The following BLNK variants were observed in gnomAD, a reference collection of about 807,000 sequenced individuals.
The protein encoded by BLNK is B-cell linker protein.
Under a neutral mutation model 73.5 loss-of-function variants are expected in BLNK, and 29 were observed. The observed-to-expected ratio is 0.39, with a 90% CI of 0.29 to 0.54. BLNK has a LOEUF of 0.54. Among genes scored for constraint, BLNK ranks in the 20% least tolerant of loss-of-function variants. The pLI is 0.61. For synonymous variants in BLNK, 176 were observed against 200.8 expected, an observed-to-expected ratio of 0.88 and a Z score of 1.04; for missense variants, 460 against 562.8, an observed-to-expected ratio of 0.82 and a Z score of 1.85.
chr10:96,266,302 C>T (rs1843998720), intron 1 of BLNK, among the ~76,000 whole-genome samples: 1 of 152,122 alleles, frequency 6.6e-6, no homozygotes, highest in Non-Finnish European at 1.5e-5. Flanking sequence ...GTGATTTGGT[C>T]CTTGGAAACC....
intron 6 of BLNK, among the ~76,000 whole-genome samples, chr10:96,218,614 A>C (rs1024364752): frequency 4.6e-5 from 7 of 151,342 alleles, no homozygotes; most frequent in Non-Finnish European, 1.0e-4. Flanking sequence ...AGGTTGCTTG[A>C]GCCCAGGAAG....
rs78763551 is a variant in BLNK at position 96,261,939 on chromosome 10, G to A, written c.47+9413C>T. ...AAGGGGTAAAAAATGGAATGGGGCT[G>A]GGGGTCATTTCACTCTAGGTACGAG... On this transcript the variant is annotated intron_variant, in intron 1 of 16. Coordinates refer to ENST00000224337, the MANE Select transcript of BLNK (RefSeq NM_013314.4). 3.0e-3 allele frequency among the ~76,000 whole-genome samples: 456 copies of A among 152,242 alleles called. 7 individuals carry two copies. The highest frequency in any genetic ancestry group is 0.011 in the African/African-American group (440 of 41,542).
At chr10:96,219,170 T>C (rs1370391271) in intron 6 of BLNK, among the ~76,000 whole-genome samples, 1 of 152,246 alleles carries the variant, frequency 6.6e-6, no homozygotes, top group African/African-American at 2.4e-5. Flanking sequence ...TCTCCTTCTC[T>C]GTGTTTGTGT....
rs1055254831 is a variant in BLNK at position 96,242,603 on chromosome 10, C to A, written c.163+132G>T. The A allele has an allele frequency of 3.7e-5, 34 of 918,550 alleles. No individual in the cohort carries two copies. The Admixed American group carries it at 4.4e-4, about 12-fold the overall frequency. The allele number at this position is 918,550 out of a possible 1,614,324, so 56.9% of individuals were successfully genotyped here. A position where few individuals can be genotyped will look rare whatever the true frequency, so the allele number is the denominator to read the frequency against. On this transcript the variant is annotated intron_variant, in intron 3 of 16. Coordinates refer to ENST00000224337, the MANE Select transcript of BLNK (RefSeq NM_013314.4). The stretch of plus-strand genomic sequence containing the variant: ...AGTCAAAATGCCTAATAGATTTAGT[C>A]ATTCTTGAAATTAGAAAAGATACCT...
intron 1 of BLNK, among the ~76,000 whole-genome samples, chr10:96,269,448 C>G (rs1483391659): frequency 3.3e-5 from 5 of 152,062 alleles, no homozygotes; most frequent in Non-Finnish European, 1.5e-5. Flanking sequence ...TTGGAATCCT[C>G]CTGTTCATTC....
Position 96,270,616 on chromosome 10 carries a change from A to T in BLNK, c.47+736T>A, listed in dbSNP as rs151212367. 6.6e-5 allele frequency among the ~76,000 whole-genome samples: 10 copies of T among 151,732 alleles called. No individual in the cohort carries two copies. The East Asian group carries it at 1.7e-3, about 26-fold the overall frequency. ...ACCCCAGAACTTAAAAGTATAATAAAAAAAAAAAACTGTTAAAAAATGTGA... is the reference window on the plus strand; with the variant it reads ...ACCCCAGAACTTAAAAGTATAATAATAAAAAAAAACTGTTAAAAAATGTGA... On this transcript the variant is annotated intron_variant, in intron 1 of 16. Coordinates refer to ENST00000224337, the MANE Select transcript of BLNK (RefSeq NM_013314.4).
At chr10:96,231,726 CAAAAAAA>C (rs148206344) in intron 3 of BLNK, among the ~76,000 whole-genome samples, 3 of 113,226 alleles carry the variant, frequency 2.6e-5, no homozygotes, top group Non-Finnish European at 1.9e-5. Context: ...GACCCTGTCT[CAAAAAAA>C]AAAAAAAAAA....
intron 15 of BLNK, 168 bp downstream of exon 15, chr10:96,199,907 C>A: frequency 2.9e-6 from 1 of 347,890 alleles, no homozygotes; most frequent in Non-Finnish European, 5.0e-6. Context: ...ACATGTAATC[C>A]CAGCTGCTTG....
intron 3 of BLNK, chr10:96,238,919 A>G (rs1179725274): frequency 5.1e-6 from 2 of 388,956 alleles, no homozygotes; most frequent in South Asian, 1.4e-4. Flanking sequence ...CTTAAATATG[A>G]TTTACATTCA....
chr10:96,209,371 G>C (rs2083894977), intron 9 of BLNK, among the ~76,000 whole-genome samples: 1 of 150,830 alleles, frequency 6.6e-6, no homozygotes, highest in Admixed American at 6.6e-5. Context: ...AATACTTCTA[G>C]ATTTATTTAT....
chr10:96,263,074 T>C (rs1382698786), intron 1 of BLNK, among the ~76,000 whole-genome samples: 4 of 152,156 alleles, frequency 2.6e-5, no homozygotes, highest in African/African-American at 9.7e-5. Context: ...CTGCACATTG[T>C]AGAAGCAGGC....
At chr10:96,230,479 T>C (rs1842453727) in intron 4 of BLNK, among the ~76,000 whole-genome samples, 1 of 152,296 alleles carries the variant, frequency 6.6e-6, no homozygotes, top group Non-Finnish European at 1.5e-5. Context: ...CTAACTGATA[T>C]GGAAACATTT....
rs1487875356 is a variant in BLNK at position 96,200,012 on chromosome 10, A to G, written c.1095+63T>C. ...CACTGCACTCCAGTGAAACTGCATC[A>G]TCTCAAAACAAATAAATAAAATAAA... On this transcript the variant is annotated intron_variant, in intron 15 of 16. Transcript: ENST00000224337. This position sits in a 1 kb window ranked among gnomAD's most constrained non-coding sequence, Gnocchi z 4.3. The G allele has an allele frequency of 1.5e-5, 17 of 1,162,536 alleles. No individual in the cohort carries two copies. In the African/African-American group the frequency reaches 2.1e-4, roughly 15 times the overall value. The allele number at this position is 1,162,536 out of a possible 1,614,324, so 72.0% of individuals were successfully genotyped here.
intron 9 of BLNK, among the ~76,000 whole-genome samples, chr10:96,208,925 A>T (rs1322089071): frequency 2.6e-5 from 4 of 152,192 alleles, no homozygotes. Flanking sequence ...TTCAACATGG[A>T]GGCTTTCTTT....
intron 3 of BLNK, among the ~76,000 whole-genome samples, chr10:96,241,082 A>T (rs1345939716): frequency 1.3e-5 from 2 of 152,222 alleles, no homozygotes; most frequent in African/African-American, 4.8e-5. Flanking sequence ...TCTGTGAATT[A>T]GTGAGTGGTC....
Position 96,223,969 on chromosome 10 carries a change from GC to G in BLNK, c.381del (p.Arg127SerfsTer30). The G allele has an allele frequency of 6.2e-7, 1 of 1,613,076 alleles. No individual in the cohort carries two copies. The highest frequency in any genetic ancestry group is 8.5e-7 in the Non-Finnish European group (1 of 1,180,024). ...GEYIDNRSSQ[R>X]HSPPFSKTLP... ...AGTGTCTTGCTGAAGGGTGGGGAAT[GC>G]CTCTGGCTTGATCGATTGTCTTGAA... On this transcript the variant is annotated frameshift_variant, in exon 6 of 17. Transcript: ENST00000224337. LOFTEE classifies it high-confidence loss of function.
intron 3 of BLNK, 84 bp from the exon 4 acceptor site, chr10:96,230,918 GCCTTC>G: frequency 7.0e-7 from 1 of 1,429,592 alleles, no homozygotes; most frequent in Non-Finnish European, 9.7e-7. Context: ...TTTCGCACCT[GCCTTC>G]CCTTCCCTTT....
intron 6 of BLNK, among the ~76,000 whole-genome samples, chr10:96,220,771 A>T (rs2084180137): frequency 6.6e-6 from 1 of 152,248 alleles, no homozygotes; most frequent in South Asian, 2.1e-4. Flanking sequence ...TTACAATGAC[A>T]TGATTCAAAA....
chr10:96,190,196 GTCCATGTCCATCGAATCT>G lies in BLNK; in HGVS notation c.*1759_*1776del. 1 of 779,768 alleles carries G rather than the reference GTCCATGTCCATCGAATCT, an allele frequency of 1.3e-6. No individual in the cohort carries two copies. Among genetic ancestry groups the G allele is most frequent in the Non-Finnish European group, 2.3e-6 (1 of 436,530 alleles). The allele number at this position is 779,768 out of a possible 1,614,324, so 48.3% of individuals were successfully genotyped here. On this transcript the variant is annotated 3_prime_UTR_variant, in exon 17 of 17. Coordinates refer to ENST00000224337, the MANE Select transcript of BLNK (RefSeq NM_013314.4). ...TAGTTCTGGGCCTCAGGGGGCTCAC[GTCCATGTCCATCGAATCT>G]TCCATCAGGTGGCGGCACACACTTA...
Sources: gnomAD v4.1 joint callset for allele counts (sites outside exome capture counted in the v4.1 genomes callset) on GRCh38, gnomAD v4.1.1 for gene constraint, Gnocchi (gnomAD v3.1) non-coding constraint, MANE v1.5 for transcripts, NCBI Gene and HGNC (gene_info 2026-07-23, HGNC 2026-07-21) for gene names.